The following DOCK9 variants were observed in gnomAD, a reference collection of about 807,000 sequenced individuals.
The protein encoded by DOCK9 is dedicator of cytokinesis protein 9.
Under a neutral mutation model 263.3 loss-of-function variants are expected in DOCK9, and 89 were observed. That is an observed-to-expected ratio of 0.34 (90% CI 0.28 to 0.40). The LOEUF is 0.40. DOCK9 is among the 10% of genes least tolerant of loss of function. DOCK9 has a pLI of 1.00. For synonymous variants in DOCK9, 976 were observed against 973.1 expected, an observed-to-expected ratio of 1.00 and a Z score of -0.06; for missense variants, 2,140 against 2,603.4, an observed-to-expected ratio of 0.82 and a Z score of 3.87.
chr13:99,084,429 C>A (rs2042250208), intron 1 of DOCK9, among the ~76,000 whole-genome samples: 1 of 152,172 alleles, frequency 6.6e-6, no homozygotes, highest in Non-Finnish European at 1.5e-5. Context: ...ACAGACGAGA[C>A]TAAGAGTTAA....
chr13:99,044,396 T>C (rs1303060686), intron 1 of DOCK9, among the ~76,000 whole-genome samples: 1 of 152,148 alleles, frequency 6.6e-6, no homozygotes, highest in East Asian at 1.9e-4. Flanking sequence ...TATTGTGAAG[T>C]TCTTGAAGCA....
At chr13:98,798,908 G>A (rs143209326) in intron 50 of DOCK9, among the ~76,000 whole-genome samples, 1 of 152,244 alleles carries the variant, frequency 6.6e-6, no homozygotes, top group East Asian at 1.9e-4. Flanking sequence ...CTTTTACAAA[G>A]CTCAATGGTC....
At chr13:99,080,260 T>C (rs2042074016) in intron 1 of DOCK9, among the ~76,000 whole-genome samples, 1 of 151,736 alleles carries the variant, frequency 6.6e-6, no homozygotes, top group Admixed American at 6.6e-5. Context: ...CCTAAGTGCC[T>C]ACACACACAC....
At chr13:98,875,470 G>T (rs796898492) in intron 27 of DOCK9, among the ~76,000 whole-genome samples, 11 of 152,198 alleles carry the variant, frequency 7.2e-5, no homozygotes, top group African/African-American at 2.6e-4. Context: ...AATGTCTAAG[G>T]GCATATATTC....
intron 15 of DOCK9, 63 bp from the exon 16 acceptor site, chr13:98,888,774 A>G: frequency 7.2e-7 from 1 of 1,381,774 alleles, no homozygotes; most frequent in Non-Finnish European, 1.0e-6. Flanking sequence ...GACACTCTAG[A>G]GCAGCACTTC....
intron 1 of DOCK9, among the ~76,000 whole-genome samples, chr13:99,061,572 G>A (rs9517581): frequency 0.28 from 42,392 of 151,994 alleles, 6,282 homozygotes; most frequent in East Asian, 0.43. Flanking sequence ...GGAAGCCAGC[G>A]TCAAAGGGTA....
At chr13:99,061,778 T>A (rs940933658) in intron 1 of DOCK9, among the ~76,000 whole-genome samples, 4 of 152,170 alleles carry the variant, frequency 2.6e-5, no homozygotes, top group African/African-American at 9.7e-5. Flanking sequence ...ATTCCGGTAC[T>A]GTTTGGTTGT....
In DOCK9 at chr13:98,829,867, G is replaced by A; in HGVS notation, c.4636-111C>T. The stretch of plus-strand genomic sequence containing the variant: ...AAGGACCCAGCAAAGTGGGGGTTGG[G>A]GGGTGCTTTGAGCAGGGGTCGCTCC... On this transcript the variant is annotated intron_variant, in intron 41 of 52. Transcript: ENST00000682017. This position sits in a 1 kb window ranked among gnomAD's most constrained non-coding sequence, Gnocchi z 4.1. 1.2e-6 allele frequency: 1 copy of A among 869,566 alleles called. No homozygotes were observed. Among genetic ancestry groups the A allele is most frequent in the South Asian group, 1.5e-5 (1 of 67,100 alleles). 53.9% of individuals were successfully genotyped at this position (869,566 alleles called of 1,614,324 possible).
At chr13:98,827,985 T>C (rs1481974340) in intron 43 of DOCK9, among the ~76,000 whole-genome samples, 1 of 152,210 alleles carries the variant, frequency 6.6e-6, no homozygotes, top group Non-Finnish European at 1.5e-5. Context: ...TTAGTTAAGA[T>C]GAGGTCATAC....
chr13:99,031,081 C>A (rs1887288537), intron 1 of DOCK9, among the ~76,000 whole-genome samples: 1 of 151,506 alleles, frequency 6.6e-6, no homozygotes, highest in Non-Finnish European at 1.5e-5. Flanking sequence ...ACAACATAGA[C>A]TTTATAATAA....
At chr13:99,045,868 G>A (rs944669672) in intron 1 of DOCK9, among the ~76,000 whole-genome samples, 12 of 151,700 alleles carry the variant, frequency 7.9e-5, no homozygotes, top group Non-Finnish European at 1.3e-4. Context: ...TGAGGCGGGC[G>A]GATCATGAGG....
chr13:99,062,884 G>A (rs2041253766), intron 1 of DOCK9, among the ~76,000 whole-genome samples: 1 of 152,142 alleles, frequency 6.6e-6, no homozygotes, highest in Admixed American at 6.5e-5. Context: ...GGCAGAAAAG[G>A]GAGAAAGAAT....
chr13:99,077,874 A>G (rs1362041910), intron 1 of DOCK9, among the ~76,000 whole-genome samples: 1 of 152,184 alleles, frequency 6.6e-6, no homozygotes, highest in African/African-American at 2.4e-5. Context: ...AGCGTGTGGA[A>G]GAAATAAACC....
chr13:98,922,336 C>T (rs143113029), intron 5 of DOCK9, among the ~76,000 whole-genome samples, 190 bp from the exon 6 acceptor site: 10 of 152,276 alleles, frequency 6.6e-5, no homozygotes, highest in African/African-American at 2.4e-4. Context: ...GAGAGACCCG[C>T]CTACATTTCT....
chr13:98,981,677 T>C (rs1877244129), upstream of DOCK9, among the ~76,000 whole-genome samples: 1 of 152,132 alleles, frequency 6.6e-6, no homozygotes, highest in South Asian at 2.1e-4. Context: ...GTGCTGGCGC[T>C]CTCCCCTGCT....
At chr13:98,996,407 C>G (rs1387955357) in intron 1 of DOCK9, among the ~76,000 whole-genome samples, 3 of 152,192 alleles carry the variant, frequency 2.0e-5, no homozygotes, top group African/African-American at 7.2e-5. Flanking sequence ...ACCTTGTAAG[C>G]CATCTAGAGC....
At chr13:98,797,330 G>C in intron 51 of DOCK9, 59 bp downstream of exon 51, 2 of 1,607,478 alleles carry the variant, frequency 1.2e-6, no homozygotes, top group Non-Finnish European at 1.7e-6. Context: ...TCTCCTTCCC[G>C]AATGAGTACA....
rs549440455 is a variant in DOCK9, at chr13:99,015,807, G to A, written c.130-60256C>T. 3.0e-5 allele frequency: 38 copies of A among 1,279,620 alleles called. No homozygotes were observed. In the South Asian group the frequency reaches 8.4e-4, roughly 28 times the overall value. 79.3% of individuals were successfully genotyped at this position (1,279,620 alleles called of 1,614,324 possible). A position where few individuals can be genotyped will look rare whatever the true frequency, so the allele number is the denominator to read the frequency against. On this transcript the variant is annotated intron_variant, in intron 1 of 32. Transcript: ENST00000427887. ...GCCTGACAAAAAATCCAGACTCCGA[G>A]TGTAAAACAGGAGGGGTGGTGCAAA... is the stretch of plus-strand genomic sequence containing the variant.
chr13:99,086,149 G>A (rs1268776668), intron 1 of DOCK9: 30 of 1,397,628 alleles, frequency 2.1e-5, no homozygotes, highest in Non-Finnish European at 2.6e-5. Flanking sequence ...CCGACTAAGA[G>A]GCGCCCGGCC....
Sources: gnomAD v4.1 joint callset for allele counts (sites outside exome capture counted in the v4.1 genomes callset) on GRCh38, gnomAD v4.1.1 for gene constraint, Gnocchi (gnomAD v3.1) non-coding constraint, MANE v1.5 for transcripts, NCBI Gene and HGNC (gene_info 2026-07-23, HGNC 2026-07-21) for gene names.